Variants in ZNF676 observed in about 807,000 individuals in gnomAD.
ZNF676 encodes zinc finger protein 676.
A neutral mutation model predicts 6.0 loss-of-function variants in ZNF676; 4 were observed. The ratio of observed to expected loss-of-function variants is 0.67; its 90% CI spans 0.33 to 1.53. The LOEUF is 1.53. Among genes scored for constraint, ZNF676 ranks in the 40% most tolerant of loss-of-function variants. The probability of loss-of-function intolerance (pLI) is 0.06; values close to 1 mark genes in which losing one functional copy is unlikely to be tolerated. For missense variants in ZNF676, 644 were observed against 679.7 expected, an observed-to-expected ratio of 0.95 and a Z score of 0.58; for synonymous variants, 198 against 223.1, an observed-to-expected ratio of 0.89 and a Z score of 1.00.
the ZNF676 span, among the ~76,000 whole-genome samples, chr19:22,227,538 C>G: frequency 1.3e-5 from 2 of 152,006 alleles, no homozygotes; most frequent in African/African-American, 2.4e-5. Context: ...GATAGAGACA[C>G]AAAACACCCT....
At chr19:22,202,132 C>CT (rs1352476920) in intron 1 of ZNF676, among the ~76,000 whole-genome samples, 1 of 151,916 alleles carries the variant, frequency 6.6e-6, no homozygotes, top group African/African-American at 2.4e-5. Flanking sequence ...CAGGTGGTAT[C>CT]TGAATATTTG....
the ZNF676 span, among the ~76,000 whole-genome samples, chr19:22,230,757 C>G: frequency 6.6e-6 from 1 of 151,866 alleles, no homozygotes; most frequent in East Asian, 1.9e-4. Context: ...CTTCCAGTTT[C>G]ATGTGATTCT....
At chr19:22,238,094 C>A in the ZNF676 span, among the ~76,000 whole-genome samples, 2 of 152,164 alleles carry the variant, frequency 1.3e-5, no homozygotes, top group Admixed American at 1.3e-4. Context: ...TTAGGACAAC[C>A]AGCTTCATTA....
chr19:22,235,030 AAGAAAAGAAAAG>A, the ZNF676 span, among the ~76,000 whole-genome samples: 1 of 143,730 alleles, frequency 7.0e-6, no homozygotes, highest in Non-Finnish European at 1.5e-5. Flanking sequence ...GAAAGAAAGA[AAGAAAAGAAAAG>A]AAGGAAGGCA....
At chr19:22,253,874 C>T in the ZNF676 span, among the ~76,000 whole-genome samples, 7 of 152,126 alleles carry the variant, frequency 4.6e-5, no homozygotes, top group South Asian at 2.1e-4. Context: ...TTCTGTACCA[C>T]TCAAGGGCTT....
intron 1 of ZNF676, 118 bp downstream of exon 1, chr19:22,196,482 A>G: frequency 6.3e-7 from 1 of 1,578,378 alleles, no homozygotes; most frequent in South Asian, 1.1e-5. Flanking sequence ...TTCCAAATAT[A>G]CTCTTTTGTC....
chr19:22,223,283 T>C, the ZNF676 span, among the ~76,000 whole-genome samples: 5 of 152,188 alleles, frequency 3.3e-5, no homozygotes, highest in Admixed American at 1.3e-4. Flanking sequence ...GTTTCACAAC[T>C]CCGTCCCTGG....
chr19:22,202,478 A>G (rs1020005634), intron 1 of ZNF676, among the ~76,000 whole-genome samples: 7 of 152,156 alleles, frequency 4.6e-5, no homozygotes, highest in African/African-American at 1.2e-4. Flanking sequence ...GCCCATCTAT[A>G]GTAAAGCTTA....
chr19:22,218,004 A>G (rs1196377777), upstream of ZNF676, among the ~76,000 whole-genome samples: 1 of 152,030 alleles, frequency 6.6e-6, no homozygotes, highest in Non-Finnish European at 1.5e-5. Context: ...ATGCCCGGCC[A>G]ATGATGGTCA....
chr19:22,179,592 G>T lies in ZNF676; in HGVS notation c.*358C>A. The T allele has an allele frequency of 2.1e-6, 1 of 467,632 alleles. No homozygotes were observed. The highest frequency in any genetic ancestry group is 4.8e-5 in the East Asian group (1 of 20,746). The allele number at this position is 467,632 out of a possible 1,614,324, so 29.0% of individuals were successfully genotyped here. A position where few individuals can be genotyped will look rare whatever the true frequency, so the allele number is the denominator to read the frequency against. On this transcript the variant is annotated 3_prime_UTR_variant, in exon 3 of 3. Coordinates refer to ENST00000397121, the MANE Select transcript of ZNF676 (RefSeq NM_001001411.3). ...AGTAAGGGTTGAGAACTAATGAAAA[G>T]CTTTGCCACGTTTTTCACATTTGTA...
upstream of ZNF676, among the ~76,000 whole-genome samples, chr19:22,197,629 G>A (rs550383411): frequency 6.6e-6 from 1 of 152,162 alleles, no homozygotes; most frequent in South Asian, 2.1e-4. Context: ...AAAGATAAGA[G>A]CCTTCATTTT....
At chr19:22,253,374 A>G in the ZNF676 span, among the ~76,000 whole-genome samples, 477 of 36,078 alleles carry the variant, frequency 0.013, 4 homozygotes, top group African/African-American at 0.049. Flanking sequence ...GTGTGTGTGT[A>G]TATATATATA....
At chr19:22,191,602 C>T (rs1206028447) in intron 2 of ZNF676, among the ~76,000 whole-genome samples, 2 of 152,162 alleles carry the variant, frequency 1.3e-5, no homozygotes, top group Admixed American at 6.6e-5. Context: ...TACTAATCCA[C>T]ATCCTAATAT....
chr19:22,238,198 C>G, the ZNF676 span, among the ~76,000 whole-genome samples: 7,677 of 152,106 alleles, frequency 0.05, 658 homozygotes, highest in African/African-American at 0.18. Flanking sequence ...ATTACAGGCA[C>G]TCATCGACAC....
At chr19:22,233,582 A>G in the ZNF676 span, among the ~76,000 whole-genome samples, 11 of 144,322 alleles carry the variant, frequency 7.6e-5, no homozygotes, top group African/African-American at 2.8e-4. Context: ...GAAGTTTATT[A>G]ATCTTTCTTC....
chr19:22,247,596 C>G, the ZNF676 span, among the ~76,000 whole-genome samples: 1 of 151,028 alleles, frequency 6.6e-6, no homozygotes, highest in Non-Finnish European at 1.5e-5. Flanking sequence ...GTTAGAGGCC[C>G]CTCTCAGTAA....
At chr19:22,242,443 C>T in the ZNF676 span, among the ~76,000 whole-genome samples, 1 of 151,926 alleles carries the variant, frequency 6.6e-6, no homozygotes, top group Non-Finnish European at 1.5e-5. Context: ...GGTCATATTT[C>T]TTGGGTCATG....
At chr19:22,210,557 A>G (rs1467725160) in intron 1 of ZNF676, among the ~76,000 whole-genome samples, 1 of 152,226 alleles carries the variant, frequency 6.6e-6, no homozygotes, top group Non-Finnish European at 1.5e-5. Flanking sequence ...AGGTGGGAAA[A>G]GATGAAGCAT....
At chr19:22,199,070 A>T (rs1476330241), upstream of ZNF676, among the ~76,000 whole-genome samples, 1 of 151,980 alleles carries the variant, frequency 6.6e-6, no homozygotes, top group Non-Finnish European at 1.5e-5. Context: ...CAAAATGGCC[A>T]GGTGATACTA....
Sources: gnomAD v4.1 joint callset for allele counts (sites outside exome capture counted in the v4.1 genomes callset) on GRCh38, gnomAD v4.1.1 for gene constraint, MANE v1.5 for transcripts, NCBI Gene and HGNC (gene_info 2026-07-23, HGNC 2026-07-21) for gene names.